Variants in MACF1 observed in about 807,000 individuals in gnomAD.
The protein encoded by MACF1 is microtubule-actin cross-linking factor 1.
Under a neutral mutation model 854.8 loss-of-function variants are expected in MACF1, and 193 were observed. That is an observed-to-expected ratio of 0.23 (90% CI 0.20 to 0.25). MACF1 has a LOEUF of 0.25. MACF1 is among the 10% of genes least tolerant of loss of function. The pLI is 1.00. For synonymous variants in MACF1, 3,185 were observed against 3,226.7 expected (o/e 0.99, Z 0.44); for missense variants, 7,722 against 8,929.1 (o/e 0.86, Z 5.45).
At chr1:39,462,446 T>G (rs1311009679) in intron 93 of MACF1, among the ~76,000 whole-genome samples, 1 of 152,058 alleles carries the variant, frequency 6.6e-6, no homozygotes, top group Non-Finnish European at 1.5e-5. Context: ...GGCTTACATC[T>G]GTAGCTCTAG....
intron 58 of MACF1, chr1:39,410,054 G>C (rs1642917631): frequency 2.2e-6 from 1 of 446,822 alleles, no homozygotes; most frequent in Non-Finnish European, 3.9e-6. Context: ...CAACCATGAG[G>C]CTGCTAGCCT....
intron 2 of MACF1, among the ~76,000 whole-genome samples, chr1:39,157,711 C>T (rs1156880446): frequency 6.6e-6 from 1 of 152,068 alleles, no homozygotes; most frequent in African/African-American, 2.4e-5. Flanking sequence ...TGTCTATTTA[C>T]TTTTTCTTTT....
chr1:39,414,586 G>C (rs1643213285), intron 58 of MACF1: 1 of 1,509,526 alleles, frequency 6.6e-7, no homozygotes, highest in South Asian at 1.3e-5. Context: ...GTTCTTTTTG[G>C]GTCTCCCGGG....
At chr1:39,427,642 T>G in intron 62 of MACF1, 28 bp downstream of exon 62, 3 of 1,594,894 alleles carry the variant, frequency 1.9e-6, no homozygotes, top group Non-Finnish European at 2.6e-6. Context: ...TAAATGAAAA[T>G]AGAAAACTGG....
chr1:39,179,709 A>C (rs1175587954), intron 2 of MACF1, among the ~76,000 whole-genome samples: 1 of 152,126 alleles, frequency 6.6e-6, no homozygotes, highest in Non-Finnish European at 1.5e-5. Flanking sequence ...TGTATAGTTT[A>C]TATATTATAG....
At chr1:39,458,596 TGTTG>T in intron 90 of MACF1, 106 bp downstream of exon 90, 1 of 1,409,006 alleles carries the variant, frequency 7.1e-7, no homozygotes, top group Non-Finnish European at 9.5e-7. Flanking sequence ...TCAAAAACCG[TGTTG>T]GTTTTGAACC....
At chr1:39,121,099 C>G (rs1642696682) in intron 2 of MACF1, 1 of 152,152 alleles carries the variant, frequency 6.6e-6, no homozygotes, top group South Asian at 2.1e-4. Flanking sequence ...ACTAATTTCC[C>G]TAGCACCTAG....
Position 39,337,218 on chromosome 1 carries a change from G to GA in MACF1, c.10106dup (p.Leu3370AlafsTer12), listed in dbSNP as rs1158511282. The GA allele has an allele frequency of 3.1e-6, 5 of 1,613,828 alleles. No individual in the cohort carries two copies. The highest frequency in any genetic ancestry group is 4.2e-6 in the Non-Finnish European group (5 of 1,179,864). On this transcript the variant is annotated frameshift_variant, in exon 38 of 101. Transcript: ENST00000564288. LOFTEE classifies it high-confidence loss of function. ...CCGGCAACTCTGTTTAGAACATGAT[G>GA]AAAAGCTAGTATCCTATCTGTCTCT...
chr1:39,234,895 A>G (rs1343814729), intron 2 of MACF1, among the ~76,000 whole-genome samples: 1 of 140,276 alleles, frequency 7.1e-6, no homozygotes, highest in East Asian at 2.2e-4. Context: ...CGCTCCCCAC[A>G]TCTCAGACGA....
At chr1:39,420,036 A>G (rs1388182924) in intron 58 of MACF1, among the ~76,000 whole-genome samples, 4 of 152,212 alleles carry the variant, frequency 2.6e-5, no homozygotes, top group South Asian at 4.1e-4. Context: ...TTTGTTCTCT[A>G]TCAATAGTCC....
chr1:39,463,686 G>T lies in MACF1; in HGVS notation c.21753G>T (p.Arg7251=). The change falls in exon 94 of 101, where the codon CGG becomes CGT. Residue 7251 remains arginine (R), a splice_region_variant and synonymous_variant. Coordinates refer to ENST00000564288, the MANE Select transcript of MACF1 (RefSeq NM_001394062.1). ...QVEQIGENKY[R]FFLGNQFGDS... is the part of the protein sequence containing the mutation. Reference sequence around the variant, plus strand: ...AGCAGATCGGAGAGAATAAATACCGGGTAAGGAAGAGAAAAAGCAGTCCTT... The same window carrying T: ...AGCAGATCGGAGAGAATAAATACCGTGTAAGGAAGAGAAAAAGCAGTCCTT... 2 of 1,612,132 alleles carry T rather than the reference G, an allele frequency of 1.2e-6. No homozygotes were observed. Among genetic ancestry groups the T allele is most frequent in the South Asian group, 2.2e-5 (2 of 91,050 alleles).
At chr1:39,271,458 A>G (rs1474567958) in intron 6 of MACF1, among the ~76,000 whole-genome samples, 1 of 152,194 alleles carries the variant, frequency 6.6e-6, no homozygotes, top group Non-Finnish European at 1.5e-5. Flanking sequence ...TTCATGATTC[A>G]TGATCCAGTC....
intron 56 of MACF1, 51 bp downstream of exon 56, chr1:39,382,203 A>T: frequency 6.5e-7 from 1 of 1,531,452 alleles, no homozygotes; most frequent in Non-Finnish European, 8.9e-7. Flanking sequence ...CTGGGTTTGA[A>T]TGTTTCTCCC....
intron 52 of MACF1, chr1:39,373,475 A>G (rs1441921572): frequency 0.011 from 938 of 87,558 alleles, 19 homozygotes; most frequent in African/African-American, 0.037. Flanking sequence ...CATCTCAGGA[A>G]AAAAAAAAAA....
Position 39,105,688 on chromosome 1 carries a change from C to T in MACF1, c.220+21250C>T, listed in dbSNP as rs1249554991. Reference sequence around the variant, plus strand: ...AGCCAGGAGAAGGAGTTCGTGCAGGCGTACGAGGATGTGCTGGAGCGGTAC... The same window carrying T: ...AGCCAGGAGAAGGAGTTCGTGCAGGTGTACGAGGATGTGCTGGAGCGGTAC... On this transcript the variant is annotated intron_variant, in intron 2 of 93. Coordinates refer to the MACF1 transcript ENST00000361689. This position sits in a 1 kb window ranked among gnomAD's most constrained non-coding sequence, Gnocchi z 5.9. The T allele has an allele frequency of 2.2e-5, 27 of 1,231,670 alleles. No individual in the cohort carries two copies. Among genetic ancestry groups the T allele is most frequent in the Non-Finnish European group, 2.8e-5 (27 of 959,838 alleles). The allele number at this position is 1,231,670 out of a possible 1,614,324, so 76.3% of individuals were successfully genotyped here.
Position 39,409,282 on chromosome 1 carries a change from G to T in MACF1, c.15817-13092G>T, listed in dbSNP as rs1396597668. Reference sequence around the variant, plus strand: ...GGCTGCTTGTCATGCAGCCCACGGCGTGGCGGCTGCGGGCCGGGGACTGGC... The same window carrying T: ...GGCTGCTTGTCATGCAGCCCACGGCTTGGCGGCTGCGGGCCGGGGACTGGC... On this transcript the variant is annotated intron_variant, in intron 58 of 100. Coordinates refer to ENST00000564288, the MANE Select transcript of MACF1 (RefSeq NM_001394062.1). This position sits in a 1 kb window ranked among gnomAD's most constrained non-coding sequence, Gnocchi z 4.2. Among the ~76,000 whole-genome samples the T allele has an allele frequency of 2.0e-5, 3 of 152,094 alleles. No individual in the cohort carries two copies. The highest frequency in any genetic ancestry group is 1.9e-4 in the East Asian group (1 of 5,182).
rs771355431 is a variant in MACF1 at position 39,340,842 on chromosome 1, A to G, written c.10470A>G (p.Arg3490=). The G allele has an allele frequency of 1.3e-5, 21 of 1,613,766 alleles. No individual in the cohort carries two copies. Among genetic ancestry groups the G allele is most frequent in the Middle Eastern group, 3.3e-4 (2 of 6,080 alleles). ...VLNQHTQLEG[R]LQDLRAWVGN... ...ATCAGCACACACAGCTAGAAGGCCG[A>G]CTTCAAGATCTGAGAGCCTGGGTTG... is the stretch of plus-strand genomic sequence containing the variant. The change falls in exon 40 of 101, where the codon CGA becomes CGG. Residue 3490 remains arginine (R), a synonymous_variant. Coordinates refer to ENST00000564288, the MANE Select transcript of MACF1 (RefSeq NM_001394062.1).
At chr1:39,272,085 A>T (rs1033133487) in intron 6 of MACF1, among the ~76,000 whole-genome samples, 1 of 152,188 alleles carries the variant, frequency 6.6e-6, no homozygotes, top group Non-Finnish European at 1.5e-5. Context: ...AGGCTGAAAA[A>T]CTAAGTGACC....
At chr1:39,419,837 G>A (rs1643467236) in intron 58 of MACF1, among the ~76,000 whole-genome samples, 1 of 148,904 alleles carries the variant, frequency 6.7e-6, no homozygotes, top group African/African-American at 2.6e-5. Flanking sequence ...GTGTGTGTGT[G>A]TGTGTATTTT....
Sources: allele counts gnomAD v4.1 joint callset (sites outside exome capture counted in the v4.1 genomes callset), GRCh38; gene constraint gnomAD v4.1.1; non-coding constraint Gnocchi (gnomAD v3.1); transcripts MANE v1.5; gene names NCBI Gene and HGNC (gene_info 2026-07-23, HGNC 2026-07-21).